Variants in SBNO1 observed in about 807,000 individuals in gnomAD.
The protein encoded by SBNO1 is protein strawberry notch homolog 1.
In SBNO1, 23 loss-of-function variants were observed where a neutral mutation model predicts 173.6. The observed-to-expected ratio is 0.13, with a 90% CI of 0.10 to 0.19. The LOEUF is 0.19. Ranked by LOEUF, SBNO1 falls within the 10% of genes least tolerant of loss-of-function variation. The pLI, the probability that SBNO1 is intolerant of heterozygous loss-of-function variation, is 1.00. For synonymous variants in SBNO1, 632 were observed against 571.5 expected (o/e 1.11, Z -1.51); for missense variants, 1,238 against 1,671.2 (o/e 0.74, Z 4.52).
intron 20 of SBNO1, among the ~76,000 whole-genome samples, chr12:123,318,660 G>A (rs1869585203): frequency 6.6e-6 from 1 of 151,608 alleles, no homozygotes; most frequent in African/African-American, 2.4e-5. Flanking sequence ...TTGGACCCAG[G>A]AGGTGAAGGT....
At position 123,295,350 on chromosome 12, in the gene SBNO1, T is replaced by C. The variant is rs2048576415; in HGVS notation, c.*558A>G. Reference sequence around the variant, plus strand: ...TCAGCATGCTTCCAAAGACATGCACTGTCAGAACAAAAATTAGAAAATAAC... The same window carrying C: ...TCAGCATGCTTCCAAAGACATGCACCGTCAGAACAAAAATTAGAAAATAAC... On this transcript the variant is annotated 3_prime_UTR_variant, in exon 32 of 32. Transcript: ENST00000602398. The C allele has an allele frequency of 6.6e-6, 1 of 152,274 alleles. No homozygotes were observed. The highest frequency in any genetic ancestry group is 2.4e-5 in the African/African-American group (1 of 41,464). 9.4% of individuals were successfully genotyped at this position (152,274 alleles called of 1,614,324 possible).
rs1281050121 is a variant in SBNO1, at chr12:123,295,701, C to G, written c.*207G>C. The stretch of plus-strand genomic sequence containing the variant: ...CAGATGGGAATTATCAGGGGAGAAG[C>G]TAAAGGAAAGACATATGTACCACCA... On this transcript the variant is annotated 3_prime_UTR_variant, in exon 32 of 32. Transcript: ENST00000602398. The G allele has an allele frequency of 1.7e-6, 1 of 581,424 alleles. No individual in the cohort carries two copies. Among genetic ancestry groups the G allele is most frequent in the South Asian group, 2.5e-5 (1 of 39,690 alleles). 36.0% of individuals were successfully genotyped at this position (581,424 alleles called of 1,614,324 possible).
At chr12:123,320,314 G>C (rs1296583707) in intron 19 of SBNO1, 118 bp downstream of exon 19, 1 of 1,047,870 alleles carries the variant, frequency 9.5e-7, no homozygotes, top group Non-Finnish European at 1.4e-6. Context: ...AACTAAAGTA[G>C]AACAAGAATT....
chr12:123,331,267 A>T lies in SBNO1; in HGVS notation c.1018T>A (p.Leu340Met). The T allele has an allele frequency of 6.2e-7, 1 of 1,614,054 alleles. No individual in the cohort carries two copies. The highest frequency in any genetic ancestry group is 1.7e-5 in the Admixed American group (1 of 60,014). ...TIAGIIYENY[L>M]LSRKRALWFS... ...CACAATGCTCGTTTTCTACTCAACA[A>T]ATAATTTTCATAGATGATTCCTGCT... The change falls in exon 8 of 32, where the codon TTG (leucine) becomes ATG (methionine). Residue 340 changes from leucine to methionine, a missense_variant. Coordinates refer to ENST00000602398, the MANE Select transcript of SBNO1 (RefSeq NM_001167856.3).
chr12:123,307,020 T>TTAAAAAAAAAA, intron 28 of SBNO1, among the ~76,000 whole-genome samples: 1 of 64,416 alleles, frequency 1.6e-5, no homozygotes, highest in Non-Finnish European at 2.7e-5. Context: ...TCAACTGCAT[T>TTAAAAAAAAAA]AAAAAAAAAA....
chr12:123,324,347 C>T (rs1439816625), intron 15 of SBNO1, among the ~76,000 whole-genome samples: 3 of 144,690 alleles, frequency 2.1e-5, no homozygotes, highest in African/African-American at 2.6e-5. Flanking sequence ...TTTTTGAGAC[C>T]GAGTCTCTCT....
chr12:123,352,408 C>T (rs1272500156), intron 1 of SBNO1, among the ~76,000 whole-genome samples: 16 of 151,608 alleles, frequency 1.1e-4, no homozygotes, highest in African/African-American at 2.4e-5. Context: ...GCCTCCCGGG[C>T]TGATGCTCCT....
At chr12:123,357,245 G>A (rs903438791) in intron 1 of SBNO1, among the ~76,000 whole-genome samples, 13 of 152,036 alleles carry the variant, frequency 8.6e-5, no homozygotes, top group African/African-American at 1.7e-4. Flanking sequence ...TCAGGAGTTC[G>A]AGACCTGACC....
intron 30 of SBNO1, 42 bp from the exon 31 acceptor site, chr12:123,298,213 T>C (rs2048668797): frequency 6.6e-6 from 10 of 1,524,486 alleles, no homozygotes; most frequent in Middle Eastern, 3.4e-4. Context: ...TGTCTATATA[T>C]GCACACAGAC....
intron 28 of SBNO1, among the ~76,000 whole-genome samples, chr12:123,306,066 TA>T (rs2048906722): frequency 6.6e-6 from 1 of 152,226 alleles, no homozygotes; most frequent in African/African-American, 2.4e-5. Flanking sequence ...TCTTCATGGA[TA>T]TTAAAGACCC....
Position 123,299,722 on chromosome 12 carries a change from G to A in SBNO1, c.3846-1551C>T, listed in dbSNP as rs969545277. ...AAACAAAAAAGCCAAGTGTGTTGGC[G>A]CATGCCTGTAATCCCAGCTACTCAG... is the stretch of plus-strand genomic sequence containing the variant. On this transcript the variant is annotated intron_variant, in intron 30 of 31. Transcript: ENST00000602398. Among the ~76,000 whole-genome samples the A allele has an allele frequency of 3.4e-5, 5 of 147,700 alleles. No homozygotes were observed. The East Asian group carries it at 1.1e-3, about 33-fold the overall frequency.
At chr12:123,331,009 C>T (rs151166012) in intron 8 of SBNO1, among the ~76,000 whole-genome samples, 195 of 152,192 alleles carry the variant, frequency 1.3e-3, no homozygotes, top group Admixed American at 2.7e-3. Flanking sequence ...GTCACCCAGG[C>T]TGGAGTGCAG....
intron 1 of SBNO1, among the ~76,000 whole-genome samples, chr12:123,358,082 A>G (rs1874673005): frequency 2.6e-5 from 4 of 152,236 alleles, no homozygotes; most frequent in Admixed American, 6.5e-5. Context: ...ATTTTGGAAT[A>G]CCTGTACATA....
In SBNO1 at chr12:123,326,298, C is replaced by T; in HGVS notation, c.1729G>A (p.Asp577Asn). ...IARERFQQAA[D>N]LIDAEQRMKK... is the part of the protein sequence containing the mutation. ...ATTCGTTGCTCAGCATCAATCAGATCTGCAGCTTGCTGAAACCGCTCTCTG... is the reference window on the plus strand; with the variant it reads ...ATTCGTTGCTCAGCATCAATCAGATTTGCAGCTTGCTGAAACCGCTCTCTG... The change falls in exon 14 of 32, where the codon GAT becomes AAT. Residue 577 changes from aspartate to asparagine, a missense_variant. This residue lies in a region of SBNO1 where 182 missense variants were observed against 339.9 expected (regional missense o/e 0.54). Transcript: ENST00000602398. The T allele has an allele frequency of 6.2e-7, 1 of 1,608,192 alleles. No individual in the cohort carries two copies. Among genetic ancestry groups the T allele is most frequent in the Non-Finnish European group, 8.5e-7 (1 of 1,176,762 alleles).
chr12:123,330,599 TA>T (rs62719360), intron 8 of SBNO1, 90 bp from the exon 9 acceptor site: 295,581 of 504,704 alleles, frequency 0.59, 54,948 homozygotes, highest in African/African-American at 0.83. Context: ...TCTTGACACT[TA>T]AAAAAAAAAA....
intron 1 of SBNO1, among the ~76,000 whole-genome samples, chr12:123,362,299 G>A (rs1259615162): frequency 6.6e-6 from 1 of 151,766 alleles, no homozygotes; most frequent in African/African-American, 2.4e-5. Context: ...AGCCGGGCGT[G>A]GCAGCGGGCA....
chr12:123,334,042 T>G lies in SBNO1; in HGVS notation c.909+11A>C. 3 of 1,531,230 alleles carry G rather than the reference T, an allele frequency of 2.0e-6. No individual in the cohort carries two copies. The highest frequency in any genetic ancestry group is 2.6e-6 in the Non-Finnish European group (3 of 1,134,832). The allele number at this position is 1,531,230 out of a possible 1,614,324, so 94.9% of individuals were successfully genotyped here. ...AAAATAATTATTGTATTATGAAATA[T>G]TATTGCTTACCTGGGCTGCATATGT... On this transcript the variant is annotated intron_variant, in intron 7 of 31. Coordinates refer to ENST00000602398, the MANE Select transcript of SBNO1 (RefSeq NM_001167856.3).
chr12:123,325,848 T>C (rs1337025722), intron 14 of SBNO1, among the ~76,000 whole-genome samples: 2 of 152,208 alleles, frequency 1.3e-5, no homozygotes, highest in Admixed American at 1.3e-4. Flanking sequence ...CAGTTTATAG[T>C]ATCTTATGCT....
In SBNO1 at chr12:123,289,885, C is replaced by A. The variant is rs1321208823; in HGVS notation, c.*6023G>T. 1 of 152,238 alleles carries A rather than the reference C, an allele frequency of 6.6e-6. No homozygotes were observed. Among genetic ancestry groups the A allele is most frequent in the Non-Finnish European group, 1.5e-5 (1 of 68,064 alleles). 9.4% of individuals were successfully genotyped at this position (152,238 alleles called of 1,614,324 possible). On this transcript the variant is annotated 3_prime_UTR_variant, in exon 32 of 32. Transcript: ENST00000602398. ...CATAAATACTGTCACAGCAAAAAGG[C>A]CTTCAGTGTCTGCTGGCCAGAAACA...
Sources: allele counts gnomAD v4.1 joint callset (sites outside exome capture counted in the v4.1 genomes callset), GRCh38; gene constraint gnomAD v4.1.1; regional missense constraint gnomAD v4.1.1; transcripts MANE v1.5; gene names NCBI Gene and HGNC (gene_info 2026-07-23, HGNC 2026-07-21).